Variants in FCGR2B observed in about 807,000 individuals in gnomAD.
FCGR2B encodes the protein low affinity immunoglobulin gamma Fc region receptor II-b.
Under a neutral mutation model 24.8 loss-of-function variants are expected in FCGR2B, and 18 were observed. The observed-to-expected ratio is 0.73, with a 90% CI of 0.50 to 1.08. The LOEUF is 1.08. Ranked by LOEUF, FCGR2B falls within the 50% of genes least tolerant of loss-of-function variation. The pLI is 0.00. For synonymous variants in FCGR2B, 79 were observed against 109.8 expected, an observed-to-expected ratio of 0.72 and a Z score of 1.75; for missense variants, 215 against 297.6, an observed-to-expected ratio of 0.72 and a Z score of 2.04.
At position 161,677,831 on chromosome 1, in the gene FCGR2B, A is replaced by G. The variant is rs1402441396; in HGVS notation, c.*278A>G. On this transcript the variant is annotated 3_prime_UTR_variant, in exon 8 of 8. Coordinates refer to ENST00000358671, the MANE Select transcript of FCGR2B (RefSeq NM_001394477.1). ...CACAGCCAATCCAATTAATCAAACC[A>G]CTGTTATTAACAGATAATAGCAACT... The G allele has an allele frequency of 4.9e-6, 2 of 405,492 alleles. No homozygotes were observed. Among genetic ancestry groups the G allele is most frequent in the African/African-American group, 2.0e-5 (1 of 48,824 alleles). The allele number at this position is 405,492 out of a possible 1,614,324, so 25.1% of individuals were successfully genotyped here.
At chr1:161,661,155 GAAGAAAGA>G (rs200784434), upstream of FCGR2B, among the ~76,000 whole-genome samples, 3 of 92,496 alleles carry the variant, frequency 3.2e-5, no homozygotes, top group South Asian at 3.7e-4. Context: ...AGAAAGAAAG[GAAGAAAGA>G]AAGAAAGAAG....
intron 3 of FCGR2B, 142 bp downstream of exon 3, chr1:161,671,791 T>C (rs564994700): frequency 6.8e-7 from 1 of 1,478,048 alleles, no homozygotes; most frequent in Non-Finnish European, 9.1e-7. Flanking sequence ...TATCAGTGGT[T>C]GTTTTTGCCT....
At chr1:161,652,129 G>A in the FCGR2B span, among the ~76,000 whole-genome samples, 1 of 128,060 alleles carries the variant, frequency 7.8e-6, no homozygotes, top group Non-Finnish European at 1.7e-5. Context: ...TCTTGGATCT[G>A]TGGTTTAATA....
chr1:161,678,491 C>A lies in FCGR2B; in HGVS notation c.*938C>A, dbSNP rs1377968758. On this transcript the variant is annotated 3_prime_UTR_variant, in exon 8 of 8. Transcript: ENST00000358671. ...CACACCATTTAGGTTTGTATAAGTACCTGCTATGATGTTCACACAACAAAA... is the reference window on the plus strand; with the variant it reads ...CACACCATTTAGGTTTGTATAAGTAACTGCTATGATGTTCACACAACAAAA... The A allele has an allele frequency of 1.8e-5, 4 of 217,160 alleles. No homozygotes were observed. The highest frequency in any genetic ancestry group is 5.8e-5 in the Admixed American group (1 of 17,218). 13.5% of individuals were successfully genotyped at this position (217,160 alleles called of 1,614,324 possible).
At position 161,678,030 on chromosome 1, in the gene FCGR2B, T is replaced by G. The variant is rs1682286229; in HGVS notation, c.*477T>G. The G allele has an allele frequency of 4.6e-6, 1 of 216,476 alleles. No individual in the cohort carries two copies. Among genetic ancestry groups the G allele is most frequent in the African/African-American group, 2.2e-5 (1 of 44,486 alleles). The allele number at this position is 216,476 out of a possible 1,614,324, so 13.4% of individuals were successfully genotyped here. A position where few individuals can be genotyped will look rare whatever the true frequency, so the allele number is the denominator to read the frequency against. ...TTTTCTATAAAGATCATATATTACT[T>G]TTATAATAAAACATTATAAAAACAA... On this transcript the variant is annotated 3_prime_UTR_variant, in exon 8 of 8. Transcript: ENST00000358671.
At chr1:161,674,439 G>C (rs371268848) in intron 5 of FCGR2B, 6 of 382,194 alleles carry the variant, frequency 1.6e-5, no homozygotes, top group Admixed American at 3.7e-5. Flanking sequence ...CCCAACAAGG[G>C]CTGAGGCAGT....
At chr1:161,653,158 C>T in the FCGR2B span, among the ~76,000 whole-genome samples, 1 of 133,958 alleles carries the variant, frequency 7.5e-6, no homozygotes, top group Non-Finnish European at 1.7e-5. Flanking sequence ...AATCCCAGCA[C>T]TTTGGGAAGC....
At chr1:161,656,080 C>G in the FCGR2B span, among the ~76,000 whole-genome samples, 2 of 131,254 alleles carry the variant, frequency 1.5e-5, no homozygotes, top group Non-Finnish European at 3.5e-5. Flanking sequence ...TGGTCTCAAA[C>G]TCCTGAGCTG....
In FCGR2B at chr1:161,671,656, G is replaced by A. The variant is rs375001498; in HGVS notation, c.391+7G>A. ...CATCTGACTGTGCTTTCTGGTCAGT[G>A]GAGGAAGGCCCCAGGGTGGACCTGG... On this transcript the variant is annotated splice_region_variant and intron_variant, in intron 3 of 7. Coordinates refer to ENST00000358671, the MANE Select transcript of FCGR2B (RefSeq NM_001394477.1). 1.2e-6 allele frequency: 2 copies of A among 1,612,938 alleles called. No homozygotes were observed. Among genetic ancestry groups the A allele is most frequent in the Non-Finnish European group, 1.7e-6 (2 of 1,179,044 alleles).
intron 2 of FCGR2B, 81 bp from the exon 3 acceptor site, chr1:161,671,311 T>C: frequency 1.2e-6 from 2 of 1,606,614 alleles, no homozygotes; most frequent in Non-Finnish European, 1.7e-6. Context: ...GGCCTACAGG[T>C]GCTTTTTTGT....
chr1:161,654,872 T>C, the FCGR2B span, among the ~76,000 whole-genome samples: 1 of 138,118 alleles, frequency 7.2e-6, no homozygotes, highest in African/African-American at 2.5e-5. Flanking sequence ...ATTATCTGTT[T>C]TTTTTCAGGT....
At chr1:161,671,100 G>T (rs1481196412) in intron 2 of FCGR2B, among the ~76,000 whole-genome samples, 1 of 152,186 alleles carries the variant, frequency 6.6e-6, no homozygotes, top group Non-Finnish European at 1.5e-5. Flanking sequence ...TGGGGAGAGA[G>T]AGAAAGAACT....
intron 3 of FCGR2B, 67 bp from the exon 4 acceptor site, chr1:161,672,908 G>C (rs1681797356): frequency 1.3e-6 from 2 of 1,599,288 alleles, no homozygotes. Context: ...CCACCAGTAA[G>C]GAAGATCTGG....
At chr1:161,669,528 T>C (rs1571020067) in intron 1 of FCGR2B, among the ~76,000 whole-genome samples, 1 of 142,546 alleles carries the variant, frequency 7.0e-6, no homozygotes, top group Non-Finnish European at 1.6e-5. Flanking sequence ...CAAGATCGCG[T>C]TATTGCACTC....
Position 161,677,628 on chromosome 1 carries a change from C to T in FCGR2B, c.*75C>T. ...TCTGGTATTTCCTGGCCTAAATTCCCCTTGGGGAGGACAGGGAGATGCTGC... is the reference window on the plus strand; with the variant it reads ...TCTGGTATTTCCTGGCCTAAATTCCTCTTGGGGAGGACAGGGAGATGCTGC... On this transcript the variant is annotated 3_prime_UTR_variant, in exon 8 of 8. Coordinates refer to ENST00000358671, the MANE Select transcript of FCGR2B (RefSeq NM_001394477.1). 8.3e-7 allele frequency: 1 copy of T among 1,206,218 alleles called. No individual in the cohort carries two copies. The highest frequency in any genetic ancestry group is 1.2e-6 in the Non-Finnish European group (1 of 824,544). 74.7% of individuals were successfully genotyped at this position (1,206,218 alleles called of 1,614,324 possible). A position where few individuals can be genotyped will look rare whatever the true frequency, so the allele number is the denominator to read the frequency against.
the FCGR2B span, among the ~76,000 whole-genome samples, chr1:161,652,257 C>T: frequency 1.1e-4 from 15 of 133,436 alleles, 3 homozygotes; most frequent in Admixed American, 3.3e-4. Context: ...TTTACATTGT[C>T]CCACAGTTCT....
rs1417291451 is a variant in FCGR2B at position 161,678,303 on chromosome 1, T to A, written c.*750T>A. The stretch of plus-strand genomic sequence containing the variant: ...ATATGATGGTGATCCCATAAAATTA[T>A]AATACCATATTTCTATTGTACCTTT... On this transcript the variant is annotated 3_prime_UTR_variant, in exon 8 of 8. Transcript: ENST00000358671. 4.6e-6 allele frequency: 1 copy of A among 217,586 alleles called. No individual in the cohort carries two copies. The highest frequency in any genetic ancestry group is 9.2e-6 in the Non-Finnish European group (1 of 108,292). The allele number at this position is 217,586 out of a possible 1,614,324, so 13.5% of individuals were successfully genotyped here. A position where few individuals can be genotyped will look rare whatever the true frequency, so the allele number is the denominator to read the frequency against.
At chr1:161,647,367 T>A in the FCGR2B span, among the ~76,000 whole-genome samples, 2 of 148,466 alleles carry the variant, frequency 1.3e-5, no homozygotes, top group Non-Finnish European at 3.0e-5. Flanking sequence ...GTAGTGTGAT[T>A]TCGGCTCACT....
At chr1:161,671,371 C>T in intron 2 of FCGR2B, 21 bp from the exon 3 acceptor site, 1 of 1,614,146 alleles carries the variant, frequency 6.2e-7, no homozygotes, top group Non-Finnish European at 8.5e-7. Context: ...CTTCATGCTA[C>T]CTCCTCTCTC....
Sources: allele counts gnomAD v4.1 joint callset (sites outside exome capture counted in the v4.1 genomes callset), GRCh38; gene constraint gnomAD v4.1.1; transcripts MANE v1.5; gene names NCBI Gene and HGNC (gene_info 2026-07-23, HGNC 2026-07-21).